DENND4A: variants seen among roughly 807,000 people sequenced by gnomAD.
DENND4A encodes C-myc promoter-binding protein.
In DENND4A, 70 loss-of-function variants were observed where a neutral mutation model predicts 199.3. That is an observed-to-expected ratio of 0.35 (90% CI 0.29 to 0.43). The LOEUF (loss-of-function observed/expected upper bound fraction) is 0.43. Ranked by LOEUF, DENND4A falls within the 20% of genes least tolerant of loss-of-function variation. The pLI, the probability that DENND4A is intolerant of heterozygous loss-of-function variation, is 1.00. For synonymous variants in DENND4A, 686 were observed against 766.9 expected (o/e 0.89, Z 1.74); for missense variants, 1,723 against 2,255.8 (o/e 0.76, Z 4.78).
intron 1 of DENND4A, among the ~76,000 whole-genome samples, chr15:65,769,198 T>TACACAC (rs3082834): frequency 0.024 from 3,462 of 146,342 alleles, 156 homozygotes; most frequent in Admixed American, 0.12. Flanking sequence ...ATATAAGGTA[T>TACACAC]ACACACACAC....
In DENND4A at chr15:65,675,790, G is replaced by A. The variant is rs74631885; in HGVS notation, c.4369+655C>T. On this transcript the variant is annotated intron_variant, in intron 24 of 32. Coordinates refer to ENST00000443035, the MANE Select transcript of DENND4A (RefSeq NM_001320835.1). The stretch of plus-strand genomic sequence containing the variant: ...AGGTATTCTCATATACTGGCAGTGG[G>A]AATGCAAAATAACCTGAGGAAGGGA... Among the ~76,000 whole-genome samples, 69 of 152,226 alleles carry A rather than the reference G, an allele frequency of 4.5e-4. No individual in the cohort carries two copies. The East Asian group carries it at 0.013, about 29-fold the overall frequency.
At chr15:65,727,851 G>A (rs773918257) in intron 11 of DENND4A, 21 of 396,860 alleles carry the variant, frequency 5.3e-5, no homozygotes, top group South Asian at 1.5e-4. Context: ...AAATAGTTCC[G>A]ATAGCTATAA....
chr15:65,738,631 T>C, intron 6 of DENND4A, 75 bp downstream of exon 6: 3 of 1,298,758 alleles, frequency 2.3e-6, no homozygotes, highest in Non-Finnish European at 1.1e-6. Flanking sequence ...GTTTTTCCCC[T>C]ACTATTCCTT....
chr15:65,763,195 C>A (rs960325720), intron 1 of DENND4A, among the ~76,000 whole-genome samples: 1 of 151,966 alleles, frequency 6.6e-6, no homozygotes, highest in Non-Finnish European at 1.5e-5. Flanking sequence ...ATAGCTTCTG[C>A]GGGGAAACAA....
intron 12 of DENND4A, among the ~76,000 whole-genome samples, chr15:65,720,947 T>TTTTATATATATATATA (rs1435137020): frequency 6.6e-5 from 5 of 76,264 alleles, no homozygotes; most frequent in African/African-American, 2.6e-4. Context: ...GTTTCATTGA[T>TTTTATATATATATATA]TATATATATA....
intron 1 of DENND4A, among the ~76,000 whole-genome samples, chr15:65,767,609 C>G (rs112318603): frequency 8.1e-3 from 1,236 of 152,150 alleles, no homozygotes; most frequent in Non-Finnish European, 0.014. Flanking sequence ...GTAATCCAAC[C>G]AGGAATAATT....
chr15:65,748,632 A>C (rs1041441199), intron 4 of DENND4A, among the ~76,000 whole-genome samples: 6 of 151,338 alleles, frequency 4.0e-5, no homozygotes, highest in East Asian at 1.9e-4. Flanking sequence ...TAAAAAAAAA[A>C]AAACAAACAA....
intron 1 of DENND4A, among the ~76,000 whole-genome samples, chr15:65,786,808 C>T (rs186637666): frequency 6.6e-6 from 1 of 152,180 alleles, no homozygotes; most frequent in Admixed American, 6.5e-5. Flanking sequence ...GCACCCAAAG[C>T]AATGCCATGT....
intron 7 of DENND4A, 84 bp downstream of exon 7, chr15:65,737,623 T>C (rs900349946): frequency 6.0e-6 from 8 of 1,338,264 alleles, no homozygotes; most frequent in African/African-American, 4.5e-5. Context: ...CTAGTATCCA[T>C]ATAAAATTTA....
At chr15:65,697,202 T>C (rs2077176402) in intron 21 of DENND4A, 65 bp downstream of exon 21, 1 of 1,026,918 alleles carries the variant, frequency 9.7e-7, no homozygotes, top group East Asian at 2.5e-5. Context: ...TTTTATAAAA[T>C]CACCTGCATT....
intron 8 of DENND4A, among the ~76,000 whole-genome samples, chr15:65,732,206 T>C (rs2140399190): frequency 6.6e-6 from 1 of 152,232 alleles, no homozygotes; most frequent in South Asian, 2.1e-4. Flanking sequence ...CAAAAAAGTT[T>C]GTTAACTTCC....
chr15:65,755,288 A>G (rs1463913920), intron 3 of DENND4A, among the ~76,000 whole-genome samples: 1 of 152,206 alleles, frequency 6.6e-6, no homozygotes, highest in African/African-American at 2.4e-5. Flanking sequence ...GGCATGATAA[A>G]AATGTCATAG....
intron 23 of DENND4A, among the ~76,000 whole-genome samples, chr15:65,682,277 C>T (rs2076604927): frequency 6.6e-6 from 1 of 152,236 alleles, no homozygotes; most frequent in South Asian, 2.1e-4. Context: ...AGTATAGCCA[C>T]CTTCATCAGT....
At position 65,665,408 on chromosome 15, in the gene DENND4A, A is replaced by G. The variant is rs374087484; in HGVS notation, c.5296T>C (p.Trp1766Arg). Residue 1766 changes from tryptophan to arginine, a missense_variant, in exon 30 of 33, where the codon TGG becomes CGG. Physicochemically the swap from Trp to Arg is moderately radical, Grantham distance 101. Transcript: ENST00000443035. ...DSKYVLIQML[W>R]DNMKLHQDPG... ...TCCTGATGTAACTTCATATTGTCCCATAACATTTGTATTAAAACATATTTG... is the reference window on the plus strand; with the variant it reads ...TCCTGATGTAACTTCATATTGTCCCGTAACATTTGTATTAAAACATATTTG... 6.2e-7 allele frequency: 1 copy of G among 1,613,750 alleles called. No homozygotes were observed. The highest frequency in any genetic ancestry group is 8.5e-7 in the Non-Finnish European group (1 of 1,179,718).
chr15:65,720,477 T>G (rs562510843), intron 12 of DENND4A, among the ~76,000 whole-genome samples: 1 of 150,142 alleles, frequency 6.7e-6, no homozygotes, highest in South Asian at 2.1e-4. Flanking sequence ...AGTGGCACAA[T>G]CTTGGTTCAC....
At chr15:65,759,050 AT>A (rs1218765315) in intron 2 of DENND4A, among the ~76,000 whole-genome samples, 1 of 152,194 alleles carries the variant, frequency 6.6e-6, no homozygotes, top group African/African-American at 2.4e-5. Context: ...AATTATTAAC[AT>A]TTTCATCAAA....
chr15:65,660,224 C>A lies in DENND4A; in HGVS notation c.*1627G>T. On this transcript the variant is annotated 3_prime_UTR_variant, in exon 33 of 33. Transcript: ENST00000443035. ...ACCAGATTTTTCAAGTAAGCAAGTT[C>A]AGCCCCAAACTAACTGAAGTTTTAC... is the stretch of plus-strand genomic sequence containing the variant. 7.2e-7 allele frequency: 1 copy of A among 1,381,556 alleles called. No individual in the cohort carries two copies. The highest frequency in any genetic ancestry group is 9.9e-7 in the Non-Finnish European group (1 of 1,006,906). The allele number at this position is 1,381,556 out of a possible 1,614,324, so 85.6% of individuals were successfully genotyped here. A position where few individuals can be genotyped will look rare whatever the true frequency, so the allele number is the denominator to read the frequency against.
chr15:65,667,340 T>TA, intron 29 of DENND4A, 109 bp downstream of exon 29: 7 of 1,317,510 alleles, frequency 5.3e-6, no homozygotes, highest in Non-Finnish European at 6.2e-6. Context: ...AAAAATAAAA[T>TA]AAAATAAATT....
chr15:65,710,131 C>T (rs901894425), intron 14 of DENND4A, among the ~76,000 whole-genome samples: 7 of 152,104 alleles, frequency 4.6e-5, no homozygotes, highest in Non-Finnish European at 2.9e-5. Context: ...AGATATGCTC[C>T]TTAGGACGTA....
Sources: gnomAD v4.1 joint callset for allele counts (sites outside exome capture counted in the v4.1 genomes callset) on GRCh38, gnomAD v4.1.1 for gene constraint, MANE v1.5 for transcripts, NCBI Gene and HGNC (gene_info 2026-07-23, HGNC 2026-07-21) for gene names.